KIAA1328: variants seen among roughly 807,000 people sequenced by gnomAD.
KIAA1328 encodes KIAA1328, also known as protein hinderin.
A neutral mutation model predicts 68.1 loss-of-function variants in KIAA1328; 52 were observed. The ratio of observed to expected loss-of-function variants is 0.76; its 90% confidence interval spans 0.61 to 0.96. The LOEUF (loss-of-function observed/expected upper bound fraction) is 0.96. KIAA1328 is among the 40% of genes least tolerant of loss of function. KIAA1328 has a pLI of 0.00. For missense variants in KIAA1328, 641 were observed against 677.6 expected, an observed-to-expected ratio of 0.95 and a Z score of 0.60; for synonymous variants, 232 against 239.4, an observed-to-expected ratio of 0.97 and a Z score of 0.28.
chr18:36,830,359 A>G (rs915478081), intron 1 of KIAA1328, among the ~76,000 whole-genome samples: 1 of 152,250 alleles, frequency 6.6e-6, no homozygotes, highest in African/African-American at 2.4e-5. Context: ...ATGAAAGCAT[A>G]CTAGTGCAGT....
At position 37,160,234 on chromosome 18, in the gene KIAA1328, G is replaced by A. The variant is rs751357651; in HGVS notation, c.1267G>A (p.Gly423Arg). ...GTCAAACTGTGATGGCTGGCTGCTTGGAACATCATCATCTATTAAAAAGCA... is the reference window on the plus strand; with the variant it reads ...GTCAAACTGTGATGGCTGGCTGCTTAGAACATCATCATCTATTAAAAAGCA... Reference protein sequence around the residue: ...LKSNCDGWLLGTSSSIKKHQD... With the variant: ...LKSNCDGWLLRTSSSIKKHQD... The change falls in exon 8 of 10, where the codon GGA (glycine) becomes AGA (arginine). Residue 423 changes from glycine (G) to arginine (R), a missense_variant. By Grantham distance (125) the Gly-to-Arg change is moderately radical. Transcript: ENST00000280020. 6 of 1,613,044 alleles carry A rather than the reference G, an allele frequency of 3.7e-6. No homozygotes were observed. In the East Asian group the frequency reaches 8.9e-5, roughly 24 times the overall value.
chr18:37,138,511 C>T (rs781094258), intron 7 of KIAA1328, among the ~76,000 whole-genome samples: 3 of 152,204 alleles, frequency 2.0e-5, no homozygotes, highest in Non-Finnish European at 2.9e-5. Context: ...GTAAATTAAT[C>T]ACTATGATGG....
At chr18:36,888,280 G>A (rs1452294593) in intron 5 of KIAA1328, among the ~76,000 whole-genome samples, 2 of 152,074 alleles carry the variant, frequency 1.3e-5, no homozygotes, top group Non-Finnish European at 2.9e-5. Context: ...ACCAACTGCA[G>A]AGTAATTGCA....
chr18:37,063,752 G>C (rs2056241334), intron 6 of KIAA1328: 1 of 757,240 alleles, frequency 1.3e-6, no homozygotes, highest in Non-Finnish European at 1.6e-6. Flanking sequence ...CCAAATACTT[G>C]ATTTTGTGGA....
chr18:36,877,581 T>C (rs747684266), intron 4 of KIAA1328, among the ~76,000 whole-genome samples: 1 of 150,506 alleles, frequency 6.6e-6, no homozygotes, highest in Admixed American at 6.6e-5. Flanking sequence ...TTTGAGCCTA[T>C]GTGTCTTTGC....
chr18:36,853,523 G>A (rs535569996), intron 4 of KIAA1328, among the ~76,000 whole-genome samples: 8 of 151,924 alleles, frequency 5.3e-5, no homozygotes, highest in Non-Finnish European at 1.2e-4. Context: ...GTAAATTTGT[G>A]ACACTCTAAT....
chr18:36,884,401 A>C (rs1211725361), intron 4 of KIAA1328, among the ~76,000 whole-genome samples: 2 of 152,216 alleles, frequency 1.3e-5, no homozygotes, highest in African/African-American at 4.8e-5. Context: ...ATGATAAGCG[A>C]GAAGAAATCA....
intron 9 of KIAA1328, among the ~76,000 whole-genome samples, chr18:37,199,211 G>C (rs566376023): frequency 6.6e-6 from 1 of 152,112 alleles, no homozygotes; most frequent in East Asian, 1.9e-4. Context: ...ATGAAGCCTA[G>C]TATCCATTAG....
chr18:36,920,177 A>G (rs1318025537), intron 5 of KIAA1328, among the ~76,000 whole-genome samples: 1 of 152,072 alleles, frequency 6.6e-6, no homozygotes, highest in Non-Finnish European at 1.5e-5. Flanking sequence ...TAGGATTTTT[A>G]TAGTTTGAGA....
intron 9 of KIAA1328, among the ~76,000 whole-genome samples, chr18:37,219,642 G>T (rs1264748210): frequency 6.6e-6 from 1 of 152,230 alleles, no homozygotes; most frequent in East Asian, 1.9e-4. Context: ...GCCAGGTGTG[G>T]TTTATAATCT....
intron 7 of KIAA1328, among the ~76,000 whole-genome samples, chr18:37,087,441 G>A (rs972645174): frequency 6.6e-6 from 1 of 152,148 alleles, no homozygotes; most frequent in Admixed American, 6.5e-5. Context: ...TTTTACATAT[G>A]CAATGTTTTT....
At chr18:37,213,787 TC>T (rs2060366851) in intron 9 of KIAA1328, among the ~76,000 whole-genome samples, 1 of 152,226 alleles carries the variant, frequency 6.6e-6, no homozygotes, top group Non-Finnish European at 1.5e-5. Context: ...TGTTCCTATT[TC>T]TCCACATCCT....
At chr18:36,878,349 C>T (rs1341392286) in intron 4 of KIAA1328, among the ~76,000 whole-genome samples, 1 of 152,106 alleles carries the variant, frequency 6.6e-6, no homozygotes, top group South Asian at 2.1e-4. Flanking sequence ...ATATTGGCCT[C>T]CTCTGGCTTG....
intron 9 of KIAA1328, among the ~76,000 whole-genome samples, chr18:37,198,946 T>C (rs2060055510): frequency 6.6e-6 from 1 of 152,198 alleles, no homozygotes; most frequent in Non-Finnish European, 1.5e-5. Flanking sequence ...CTGATTTTGT[T>C]TGCTTGTTTT....
chr18:37,229,254 T>C (rs1311219462), downstream of KIAA1328, among the ~76,000 whole-genome samples: 1 of 152,222 alleles, frequency 6.6e-6, no homozygotes, highest in African/African-American at 2.4e-5. Context: ...AGCACTTAAC[T>C]GTGTGCCACA....
chr18:37,179,754 C>A (rs973735755), intron 9 of KIAA1328, among the ~76,000 whole-genome samples: 1 of 152,092 alleles, frequency 6.6e-6, no homozygotes, highest in Non-Finnish European at 1.5e-5. Context: ...ACATGAAAAT[C>A]CAATTGCTTC....
chr18:37,099,250 G>T (rs1430864760), intron 7 of KIAA1328, among the ~76,000 whole-genome samples: 1 of 152,164 alleles, frequency 6.6e-6, no homozygotes, highest in Non-Finnish European at 1.5e-5. Flanking sequence ...CTTTGAATGT[G>T]TCCCAGAGAT....
rs551957787 is a variant in KIAA1328, at chr18:37,191,294, C to T, written c.1523+18213C>T. ...GTGCATTTAAAGACTTCATTACATA[C>T]GTTACATTGTGTTTACCATATCCAT... is the stretch of plus-strand genomic sequence containing the variant. On this transcript the variant is annotated intron_variant, in intron 9 of 9. Transcript: ENST00000280020. Among the ~76,000 whole-genome samples the T allele has an allele frequency of 5.3e-5, 8 of 152,310 alleles. No individual in the cohort carries two copies. In the South Asian group the frequency reaches 1.0e-3, roughly 20 times the overall value.
chr18:37,097,953 T>C (rs557924868), intron 7 of KIAA1328, among the ~76,000 whole-genome samples: 3 of 152,318 alleles, frequency 2.0e-5, no homozygotes, highest in East Asian at 1.9e-4. Context: ...AAGTTGCTTA[T>C]CAGCTTAAGG....
Sources: allele counts gnomAD v4.1 joint callset (sites outside exome capture counted in the v4.1 genomes callset), GRCh38; gene constraint gnomAD v4.1.1; transcripts MANE v1.5; gene names NCBI Gene and HGNC (gene_info 2026-07-23, HGNC 2026-07-21).